The following SMARCA4 variants were observed in gnomAD, a reference collection of about 807,000 sequenced individuals.
The protein encoded by SMARCA4 is SWI/SNF related BAF chromatin remodeling complex subunit ATPase 4.
SMARCA4 carries 31 observed loss-of-function variants against 193.9 expected under a neutral mutation model. That is an observed-to-expected ratio of 0.16 (90% CI 0.12 to 0.22). The LOEUF (loss-of-function observed/expected upper bound fraction) is 0.22, where lower values mean the gene tolerates loss of function less well. Ranked by LOEUF, SMARCA4 falls within the 10% of genes least tolerant of loss-of-function variation. The pLI is 1.00. For synonymous variants in SMARCA4, 942 were observed against 933.1 expected (o/e 1.01, Z -0.17); for missense variants, 1,148 against 2,296.0 (o/e 0.50, Z 10.22).
chr19:10,962,324 C>T (rs1214078218), intron 1 of SMARCA4, among the ~76,000 whole-genome samples: 1 of 151,924 alleles, frequency 6.6e-6, no homozygotes, highest in East Asian at 1.9e-4. Context: ...CTTCTTGAGG[C>T]CCTACTAAGT....
chr19:10,965,325 G>C (rs1481590685), intron 1 of SMARCA4: 13 of 152,240 alleles, frequency 8.5e-5, no homozygotes, highest in Admixed American at 8.5e-4. Context: ...ATTGCTGCAA[G>C]AGCTGAACAA....
intron 16 of SMARCA4, among the ~76,000 whole-genome samples, chr19:11,014,483 C>T (rs1015118203): frequency 2.0e-5 from 3 of 152,330 alleles, no homozygotes; most frequent in East Asian, 3.9e-4. Flanking sequence ...CTGCACCTCC[C>T]CTCGTGGTCA....
chr19:10,986,365 C>T lies in SMARCA4; in HGVS notation c.532C>T (p.His178Tyr), dbSNP rs2145777525. ...GPTPFNQNQL[H>Y]QLRAQIMAYK... is the part of the protein sequence containing the mutation. ...AACCCCATTTAACCAGAACCAGCTG[C>T]ACCAGCTCAGAGCTCAGATCATGGC... The change falls in exon 4 of 35, where the codon CAC (histidine) becomes TAC (tyrosine). Residue 178 changes from histidine (H) to tyrosine (Y), a missense_variant. By Grantham distance (83) the His-to-Tyr change is moderately conservative (BLOSUM62 2). This residue lies in a region of SMARCA4 where 4 missense variants were observed against 22.8 expected (regional missense o/e 0.18). Coordinates refer to ENST00000344626, the MANE Select transcript of SMARCA4 (RefSeq NM_003072.5). This position sits in a 1 kb window ranked among gnomAD's most constrained non-coding sequence, Gnocchi z 6.7. 1.2e-6 allele frequency: 2 copies of T among 1,610,278 alleles called. No homozygotes were observed. The highest frequency in any genetic ancestry group is 1.7e-6 in the Non-Finnish European group (2 of 1,178,620).
chr19:11,025,640 T>C (rs1427910371), intron 22 of SMARCA4, 132 bp downstream of exon 22: 12 of 709,276 alleles, frequency 1.7e-5, no homozygotes, highest in Non-Finnish European at 3.1e-5. Flanking sequence ...TACATCTGTC[T>C]CTCATTTGGT....
At chr19:11,010,286 A>G in intron 14 of SMARCA4, 95 bp from the exon 15 acceptor site, 3 of 1,384,286 alleles carry the variant, frequency 2.2e-6, no homozygotes, top group Non-Finnish European at 3.1e-6. Context: ...GTCATTCAGC[A>G]GAAAGGGCCA....
intron 11 of SMARCA4, among the ~76,000 whole-genome samples, chr19:11,000,227 CAA>C (rs113601283): frequency 2.2e-4 from 24 of 109,588 alleles, no homozygotes; most frequent in Non-Finnish European, 3.3e-4. Flanking sequence ...GATTCTGTCT[CAA>C]AAAAAAAAAA....
At chr19:10,997,485 C>A (rs1461505907) in intron 11 of SMARCA4, among the ~76,000 whole-genome samples, 1 of 152,138 alleles carries the variant, frequency 6.6e-6, no homozygotes, top group Non-Finnish European at 1.5e-5. Flanking sequence ...TCCACCATGG[C>A]CAGCCAGTTT....
rs73013141 is a variant in SMARCA4 at position 10,987,633 on chromosome 19, A to G, written c.860-33A>G. 7.1e-3 allele frequency: 11,397 copies of G among 1,612,192 alleles called. 59 individuals are homozygous for G. Among genetic ancestry groups the G allele is most frequent in the Non-Finnish European group, 8.7e-3 (10,289 of 1,179,218 alleles). ...CAGCCCGGGATGGGCCCCAGAGCTC[A>G]ACATGACGCCCTGGCCCCTTGCCTT... On this transcript the variant is annotated intron_variant, in intron 5 of 34. Transcript: ENST00000344626. The surrounding 1 kb of genome is among the most constrained non-coding windows in gnomAD (Gnocchi z 5.3).
intron 30 of SMARCA4, among the ~76,000 whole-genome samples, chr19:11,048,266 C>G (rs1219155677): frequency 6.6e-6 from 1 of 151,970 alleles, no homozygotes; most frequent in Non-Finnish European, 1.5e-5. Context: ...GAGTCTCACT[C>G]TGTCACCCAG....
chr19:10,972,150 G>A (rs1292880298), intron 1 of SMARCA4, among the ~76,000 whole-genome samples: 1 of 151,940 alleles, frequency 6.6e-6, no homozygotes, highest in Non-Finnish European at 1.5e-5. Flanking sequence ...GTAGAGATGA[G>A]TTTTAACCAT....
Position 11,033,269 on chromosome 19 carries a change from G to T in SMARCA4, c.3547-21G>T. On this transcript the variant is annotated intron_variant, in intron 25 of 34. Coordinates refer to ENST00000344626, the MANE Select transcript of SMARCA4 (RefSeq NM_003072.5). This position sits in a 1 kb window ranked among gnomAD's most constrained non-coding sequence, Gnocchi z 9.8. ...TGACCTCCTGGGCTCCTTTGGGACT[G>T]ACTGGCACCTCTTCCCCCAGGACCT... The T allele has an allele frequency of 6.2e-7, 1 of 1,601,714 alleles. No individual in the cohort carries two copies. The highest frequency in any genetic ancestry group is 1.7e-5 in the Admixed American group (1 of 59,996).
intron 1 of SMARCA4, among the ~76,000 whole-genome samples, chr19:10,981,974 T>TAAG (rs2085586674): frequency 1.3e-5 from 2 of 151,550 alleles, no homozygotes. Flanking sequence ...GGTGATAGAG[T>TAAG]AAGACTCTGT....
Position 10,986,094 on chromosome 19 carries a change from C to G in SMARCA4, c.356-95C>G, listed in dbSNP as rs982763183. The stretch of plus-strand genomic sequence containing the variant: ...AGAGAAGGATGCCATTTGGCTGTGC[C>G]CTGTCTCAGAGTAGGAGCTGGTGTA... On this transcript the variant is annotated intron_variant, in intron 3 of 34. Transcript: ENST00000344626. This position sits in a 1 kb window ranked among gnomAD's most constrained non-coding sequence, Gnocchi z 6.7. The G allele has an allele frequency of 3.7e-6, 4 of 1,092,618 alleles. No homozygotes were observed. The highest frequency in any genetic ancestry group is 5.6e-6 in the Non-Finnish European group (4 of 716,422). 67.7% of individuals were successfully genotyped at this position (1,092,618 alleles called of 1,614,324 possible). A position where few individuals can be genotyped will look rare whatever the true frequency, so the allele number is the denominator to read the frequency against.
In SMARCA4 at chr19:11,035,139, G is replaced by C. The variant is rs529384250; in HGVS notation, c.4170+7G>C. The C allele has an allele frequency of 6.2e-7, 1 of 1,609,084 alleles. No homozygotes were observed. Among genetic ancestry groups the C allele is most frequent in the Non-Finnish European group, 8.5e-7 (1 of 1,178,302 alleles). On this transcript the variant is annotated splice_region_variant and intron_variant, in intron 29 of 34. Transcript: ENST00000344626. Reference sequence around the variant, plus strand: ...GGAGAAGCAGTGGCTCAAGGTACATGCTGGAGAGGCCCAGCAGCTGCCGCA... The same window carrying C: ...GGAGAAGCAGTGGCTCAAGGTACATCCTGGAGAGGCCCAGCAGCTGCCGCA...
intron 24 of SMARCA4, among the ~76,000 whole-genome samples, chr19:11,028,960 G>T (rs12610693): frequency 0.38 from 57,400 of 151,998 alleles, 11,172 homozygotes; most frequent in East Asian, 0.57. Context: ...CATACCCCTT[G>T]TCCCGTTGAT....
At chr19:10,971,127 C>CAG (rs1346263156) in intron 1 of SMARCA4, among the ~76,000 whole-genome samples, 4 of 152,024 alleles carry the variant, frequency 2.6e-5, no homozygotes, top group South Asian at 4.1e-4. Flanking sequence ...ACCCAGGAGG[C>CAG]AGAGGTTGCA....
chr19:10,996,397 A>G lies in SMARCA4; in HGVS notation c.1761+17A>G, dbSNP rs1222867721. The G allele has an allele frequency of 1.9e-6, 3 of 1,614,148 alleles. No individual in the cohort carries two copies. Among genetic ancestry groups the G allele is most frequent in the South Asian group, 1.1e-5 (1 of 91,084 alleles). ...AAAAAGAAGGTGTGCTGGGCCTGGCATGGTGCCCGCCGCGGGTGGGATGGG... is the reference window on the plus strand; with the variant it reads ...AAAAAGAAGGTGTGCTGGGCCTGGCGTGGTGCCCGCCGCGGGTGGGATGGG... On this transcript the variant is annotated intron_variant, in intron 10 of 34. Coordinates refer to ENST00000344626, the MANE Select transcript of SMARCA4 (RefSeq NM_003072.5).
chr19:11,011,490 G>T lies in SMARCA4; in HGVS notation c.2274+959G>T, dbSNP rs542239731. Reference sequence around the variant, plus strand: ...TCCGCCCACCTTGGCCTCCCAAAGTGCTGGGATTACAGATGTAAGCCAGTG... The same window carrying T: ...TCCGCCCACCTTGGCCTCCCAAAGTTCTGGGATTACAGATGTAAGCCAGTG... On this transcript the variant is annotated intron_variant, in intron 15 of 34. Coordinates refer to ENST00000344626, the MANE Select transcript of SMARCA4 (RefSeq NM_003072.5). Among the ~76,000 whole-genome samples the T allele has an allele frequency of 6.0e-4, 91 of 152,328 alleles. 1 individual carries two copies. The highest frequency in any genetic ancestry group is 5.4e-3 in the Admixed American group (82 of 15,296).
At chr19:10,995,535 G>C (rs1012039728) in intron 9 of SMARCA4, 4 of 455,948 alleles carry the variant, frequency 8.8e-6, no homozygotes, top group Non-Finnish European at 1.8e-5. Flanking sequence ...GAAGGGGAGG[G>C]ACAGGGTAGT....
Sources: allele counts gnomAD v4.1 joint callset (sites outside exome capture counted in the v4.1 genomes callset), GRCh38; gene constraint gnomAD v4.1.1; regional missense constraint gnomAD v4.1.1; non-coding constraint Gnocchi (gnomAD v3.1); transcripts MANE v1.5; gene names NCBI Gene and HGNC (gene_info 2026-07-23, HGNC 2026-07-21).